ANKH: variants seen among roughly 807,000 people sequenced by gnomAD.
ANKH encodes the protein ANKH inorganic pyrophosphate transport regulator, also known as mineralization regulator ANKH.
ANKH carries 15 observed loss-of-function variants against 49.0 expected under a neutral mutation model. That is an observed-to-expected ratio of 0.31 (90% CI 0.20 to 0.47). The LOEUF (loss-of-function observed/expected upper bound fraction) is 0.47. ANKH is among the 20% of genes least tolerant of loss of function. The pLI, the probability that ANKH is intolerant of heterozygous loss-of-function variation, is 1.00. For missense variants in ANKH, 429 were observed against 652.0 expected, an observed-to-expected ratio of 0.66 and a Z score of 3.72; for synonymous variants, 273 against 260.0, an observed-to-expected ratio of 1.05 and a Z score of -0.48.
intron 4 of ANKH, among the ~76,000 whole-genome samples, chr5:14,752,126 A>C (rs1297795350): frequency 6.6e-6 from 1 of 152,142 alleles, no homozygotes; most frequent in African/African-American, 2.4e-5. Flanking sequence ...TGGGCAACTT[A>C]GTGAGACCCC....
intron 1 of ANKH, among the ~76,000 whole-genome samples, chr5:14,792,849 C>T (rs550628182): frequency 1.3e-5 from 2 of 150,082 alleles, no homozygotes; most frequent in African/African-American, 4.9e-5. Context: ...TGGTGGCAGA[C>T]ACCTGTAATC....
chr5:14,820,572 G>A (rs978032583), intron 1 of ANKH, among the ~76,000 whole-genome samples: 1 of 152,200 alleles, frequency 6.6e-6, no homozygotes, highest in East Asian at 1.9e-4. Flanking sequence ...GATTCTTGCT[G>A]AGGGCAGGCC....
chr5:14,787,079 T>C (rs1740001377), intron 1 of ANKH, among the ~76,000 whole-genome samples: 1 of 151,402 alleles, frequency 6.6e-6, no homozygotes, highest in South Asian at 2.1e-4. Flanking sequence ...TTTGGAAGGC[T>C]GAGGCAGGTG....
chr5:14,764,225 C>T (rs1016448068), intron 2 of ANKH, among the ~76,000 whole-genome samples: 3 of 152,138 alleles, frequency 2.0e-5, no homozygotes, highest in Non-Finnish European at 4.4e-5. Context: ...CTATTCCCCT[C>T]GCCTTGAATC....
chr5:14,726,949 A>G (rs982416144), intron 8 of ANKH, among the ~76,000 whole-genome samples: 1 of 152,196 alleles, frequency 6.6e-6, no homozygotes, highest in Non-Finnish European at 1.5e-5. Context: ...TGAGGGGATG[A>G]TGGGAGAGAG....
At chr5:14,784,299 A>G (rs1187190626) in intron 1 of ANKH, among the ~76,000 whole-genome samples, 1 of 152,188 alleles carries the variant, frequency 6.6e-6, no homozygotes, top group Admixed American at 6.5e-5. Flanking sequence ...GCCCTGCCCT[A>G]GGTTCCTGGT....
At chr5:14,762,014 C>G (rs1264106296) in intron 2 of ANKH, among the ~76,000 whole-genome samples, 1 of 152,098 alleles carries the variant, frequency 6.6e-6, no homozygotes. Context: ...ATCCACCTGC[C>G]TCAGCCTCCC....
chr5:14,732,950 C>T (rs1160489310), intron 8 of ANKH, among the ~76,000 whole-genome samples: 1 of 152,190 alleles, frequency 6.6e-6, no homozygotes, highest in Non-Finnish European at 1.5e-5. Flanking sequence ...GTCATGAGAG[C>T]CACAGGCGTG....
intron 2 of ANKH, among the ~76,000 whole-genome samples, chr5:14,758,841 C>T (rs1050534070): frequency 3.0e-4 from 45 of 152,196 alleles, no homozygotes; most frequent in Non-Finnish European, 5.0e-4. Context: ...AACGTAAAAA[C>T]GAGATTGTAT....
At chr5:14,735,496 T>C (rs556762261) in intron 8 of ANKH, among the ~76,000 whole-genome samples, 1 of 152,316 alleles carries the variant, frequency 6.6e-6, no homozygotes, top group Admixed American at 6.5e-5. Flanking sequence ...GAAATCATAG[T>C]TGTTAGCTTG....
chr5:14,760,066 G>A (rs1443885038), intron 2 of ANKH, among the ~76,000 whole-genome samples: 1 of 152,132 alleles, frequency 6.6e-6, no homozygotes, highest in Non-Finnish European at 1.5e-5. Context: ...GTCGGGGAGA[G>A]TGCAGGAGGA....
At chr5:14,812,313 A>G (rs778684448) in intron 1 of ANKH, among the ~76,000 whole-genome samples, 2 of 152,050 alleles carry the variant, frequency 1.3e-5, no homozygotes, top group African/African-American at 2.4e-5. Context: ...GATGGGGACC[A>G]TGCTCTCAAA....
In ANKH at chr5:14,737,571, G is replaced by A. The variant is rs1056300141; in HGVS notation, c.1011+4256C>T. ...TGTCCAGGAAGGCTCAGGGCAAGGC[G>A]ACCACTGGCTCTGACTCCAGCACCA... On this transcript the variant is annotated intron_variant, in intron 8 of 11. Transcript: ENST00000284268. The surrounding 1 kb of genome is among the most constrained non-coding windows in gnomAD (Gnocchi z 5.0). 2.0e-5 allele frequency among the ~76,000 whole-genome samples: 3 copies of A among 152,220 alleles called. No individual in the cohort carries two copies. The highest frequency in any genetic ancestry group is 1.5e-5 in the Non-Finnish European group (1 of 68,038).
intron 1 of ANKH, among the ~76,000 whole-genome samples, chr5:14,815,459 C>T (rs1033886513): frequency 6.6e-6 from 1 of 152,184 alleles, no homozygotes; most frequent in Non-Finnish European, 1.5e-5. Context: ...TCATTCTTGT[C>T]ACCTGCAATT....
intron 1 of ANKH, among the ~76,000 whole-genome samples, chr5:14,843,618 C>T (rs887893353): frequency 6.8e-6 from 1 of 146,266 alleles, no homozygotes; most frequent in Non-Finnish European, 1.5e-5. Flanking sequence ...ATGCCAAAAC[C>T]AGGGCAGACT....
chr5:14,719,535 T>C (rs1737596573), intron 8 of ANKH, among the ~76,000 whole-genome samples: 1 of 152,192 alleles, frequency 6.6e-6, no homozygotes, highest in African/African-American at 2.4e-5. Flanking sequence ...AACTACCTAA[T>C]GTGCTTGAAT....
intron 1 of ANKH, among the ~76,000 whole-genome samples, chr5:14,819,898 T>TACACACAC (rs1188887631): frequency 4.4e-4 from 38 of 87,132 alleles, no homozygotes; most frequent in African/African-American, 1.7e-3. Flanking sequence ...ACAACAAAAA[T>TACACACAC]ATACACACAC....
intron 2 of ANKH, among the ~76,000 whole-genome samples, chr5:14,762,729 C>T (rs1455431736): frequency 3.3e-5 from 4 of 122,856 alleles, no homozygotes; most frequent in African/African-American, 1.3e-4. Flanking sequence ...CCAGCTAGAG[C>T]TATTGGGGGG....
rs1178562889 is a variant in ANKH at position 14,840,697 on chromosome 5, AT to A, written c.96+30654del. On this transcript the variant is annotated intron_variant, in intron 1 of 11. Transcript: ENST00000284268. Reference sequence around the variant, plus strand: ...AGCGAGTATTATTACACATTTTCAAATTATCTGCTTCAAAATTCTACTGACA... The same window carrying A: ...AGCGAGTATTATTACACATTTTCAAATATCTGCTTCAAAATTCTACTGACA... Among the ~76,000 whole-genome samples the A allele has an allele frequency of 5.3e-5, 8 of 152,324 alleles. 1 individual carries two copies. The South Asian group carries it at 1.7e-3, about 32-fold the overall frequency.
Sources: gnomAD v4.1 joint callset for allele counts (sites outside exome capture counted in the v4.1 genomes callset) on GRCh38, gnomAD v4.1.1 for gene constraint, Gnocchi (gnomAD v3.1) non-coding constraint, MANE v1.5 for transcripts, NCBI Gene and HGNC (gene_info 2026-07-23, HGNC 2026-07-21) for gene names.